CNTNAP2: variants seen among roughly 807,000 people sequenced by gnomAD.
The protein encoded by CNTNAP2 is contactin-associated protein-like 2.
In CNTNAP2, 98 loss-of-function variants were observed where a neutral mutation model predicts 155.2. The ratio of observed to expected loss-of-function variants is 0.63; its 90% confidence interval spans 0.54 to 0.75. CNTNAP2 has a LOEUF of 0.75. Among genes scored for constraint, CNTNAP2 ranks in the 30% least tolerant of loss-of-function variants. CNTNAP2 has a pLI of 0.00. For synonymous variants in CNTNAP2, 651 were observed against 631.2 expected (o/e 1.03, Z -0.47); for missense variants, 1,727 against 1,688.1 (o/e 1.02, Z -0.40).
intron 1 of CNTNAP2, among the ~76,000 whole-genome samples, chr7:146,687,766 G>A (rs1050262357): frequency 1.3e-5 from 2 of 152,150 alleles, no homozygotes; most frequent in African/African-American, 2.4e-5. Context: ...ACCAGGAGGG[G>A]CGAAGAGAGA....
intron 1 of CNTNAP2, among the ~76,000 whole-genome samples, chr7:146,277,335 C>A (rs1800180589): frequency 1.3e-5 from 2 of 152,090 alleles, no homozygotes; most frequent in South Asian, 2.1e-4. Context: ...ATATAAATAC[C>A]TAGAAAGAAG....
At chr7:146,297,211 A>G (rs1356886484) in intron 1 of CNTNAP2, among the ~76,000 whole-genome samples, 1 of 152,100 alleles carries the variant, frequency 6.6e-6, no homozygotes, top group Non-Finnish European at 1.5e-5. Context: ...TAAATTGAAA[A>G]TCATTAATTT....
chr7:147,680,887 A>G (rs1407352054), intron 13 of CNTNAP2, among the ~76,000 whole-genome samples: 1 of 151,832 alleles, frequency 6.6e-6, no homozygotes, highest in African/African-American at 2.4e-5. Context: ...ATATTCTTAT[A>G]CCCAATTAAA....
intron 23 of CNTNAP2, among the ~76,000 whole-genome samples, chr7:148,414,104 C>A (rs1799922517): frequency 3.7e-5 from 1 of 26,802 alleles, no homozygotes; most frequent in Admixed American, 2.1e-4. Flanking sequence ...CAGAGTCCCC[C>A]CCCCCCCCCT....
intron 1 of CNTNAP2, among the ~76,000 whole-genome samples, chr7:146,236,068 T>C (rs953831670): frequency 1.3e-5 from 2 of 152,088 alleles, no homozygotes; most frequent in African/African-American, 2.4e-5. Context: ...CTTTTTACTG[T>C]ACATCTGTGA....
intron 8 of CNTNAP2, among the ~76,000 whole-genome samples, chr7:147,135,372 A>G (rs1391669878): frequency 1.3e-5 from 2 of 151,752 alleles, no homozygotes; most frequent in Non-Finnish European, 2.9e-5. Context: ...AACAAACAAC[A>G]ACAACAAAAA....
chr7:146,552,784 A>G (rs1426530637), intron 1 of CNTNAP2, among the ~76,000 whole-genome samples: 1 of 151,918 alleles, frequency 6.6e-6, no homozygotes, highest in Non-Finnish European at 1.5e-5. Flanking sequence ...CCCTTGCTTT[A>G]TGAACATCCT....
At chr7:146,303,513 A>T (rs959336375) in intron 1 of CNTNAP2, among the ~76,000 whole-genome samples, 4 of 152,092 alleles carry the variant, frequency 2.6e-5, no homozygotes, top group Admixed American at 2.6e-4. Flanking sequence ...TGTTGAACTT[A>T]TTCCTGTTGC....
intron 4 of CNTNAP2, among the ~76,000 whole-genome samples, chr7:147,047,101 GTTTC>G (rs1799377498): frequency 7.8e-6 from 1 of 128,560 alleles, no homozygotes; most frequent in Non-Finnish European, 1.7e-5. Context: ...GTTAAGTTAT[GTTTC>G]TTTTTTTTTT....
intron 10 of CNTNAP2, among the ~76,000 whole-genome samples, chr7:147,400,570 T>A (rs1796895421): frequency 6.6e-6 from 1 of 152,186 alleles, no homozygotes; most frequent in South Asian, 2.1e-4. Context: ...AACTGTGGTT[T>A]CTGTTTCAGT....
At position 147,771,941 on chromosome 7, in the gene CNTNAP2, G is replaced by T. The variant is rs851677; in HGVS notation, c.2099-131624G>T. ...TGAATAATTACAATTTCTTTGTTCA[G>T]GTTGTAAGCTAACTAATTTACCATT... On this transcript the variant is annotated intron_variant, in intron 13 of 23. Transcript: ENST00000361727. Among the ~76,000 whole-genome samples, 619 of 151,992 alleles carry T rather than the reference G, an allele frequency of 4.1e-3. 2 individuals are homozygous for T. Among genetic ancestry groups the T allele is most frequent in the African/African-American group, 0.014 (592 of 41,448 alleles).
intron 10 of CNTNAP2, among the ~76,000 whole-genome samples, chr7:147,474,326 G>C (rs11764227): frequency 0.18 from 27,082 of 151,976 alleles, 3,069 homozygotes; most frequent in Non-Finnish European, 0.25. Flanking sequence ...GGGCACGGTG[G>C]CTCACGCCTG....
At chr7:146,580,880 A>G (rs1393336679) in intron 1 of CNTNAP2, among the ~76,000 whole-genome samples, 8 of 152,050 alleles carry the variant, frequency 5.3e-5, no homozygotes, top group Non-Finnish European at 4.4e-5. Flanking sequence ...AATAAATGGG[A>G]TGTTTAGATA....
At chr7:147,917,266 A>G (rs62474781) in intron 14 of CNTNAP2, among the ~76,000 whole-genome samples, 29,929 of 152,198 alleles carry the variant, frequency 0.2, 3,612 homozygotes, top group Middle Eastern at 0.33. Flanking sequence ...TGATTTTGCA[A>G]TTTCCTGAGG....
At chr7:146,501,047 T>C (rs999708803) in intron 1 of CNTNAP2, among the ~76,000 whole-genome samples, 5 of 152,136 alleles carry the variant, frequency 3.3e-5, no homozygotes, top group African/African-American at 1.2e-4. Context: ...TCTAAACTAA[T>C]CTTGCATACT....
At chr7:146,592,757 A>T (rs1584997368) in intron 1 of CNTNAP2, among the ~76,000 whole-genome samples, 1 of 152,258 alleles carries the variant, frequency 6.6e-6, no homozygotes, top group East Asian at 1.9e-4. Context: ...TTCAATAAGG[A>T]TGGTCCCAGG....
At chr7:146,623,403 A>G (rs1799366330) in intron 1 of CNTNAP2, among the ~76,000 whole-genome samples, 1 of 151,512 alleles carries the variant, frequency 6.6e-6, no homozygotes, top group African/African-American at 2.4e-5. Flanking sequence ...CAATGCCCTA[A>G]AAAAATGCCC....
intron 20 of CNTNAP2, among the ~76,000 whole-genome samples, chr7:148,264,146 CTG>C (rs998241557): frequency 6.6e-6 from 1 of 152,184 alleles, no homozygotes; most frequent in African/African-American, 2.4e-5. Context: ...ATCTTTAAAA[CTG>C]TGTACTATGT....
At chr7:146,823,100 T>C (rs1585107828) in intron 2 of CNTNAP2, among the ~76,000 whole-genome samples, 1 of 63,118 alleles carries the variant, frequency 1.6e-5, no homozygotes, top group East Asian at 5.6e-4. Context: ...AATATACTCA[T>C]TCTTCAGCAT....
Sources: gnomAD v4.1 joint callset for allele counts (sites outside exome capture counted in the v4.1 genomes callset) on GRCh38, gnomAD v4.1.1 for gene constraint, MANE v1.5 for transcripts, NCBI Gene and HGNC (gene_info 2026-07-23, HGNC 2026-07-21) for gene names.